Variants in CNTN1 observed in about 807,000 individuals in gnomAD.
CNTN1 encodes contactin 1.
A neutral mutation model predicts 126.4 loss-of-function variants in CNTN1; 38 were observed. The ratio of observed to expected loss-of-function variants is 0.30; its 90% CI spans 0.23 to 0.39. The LOEUF is 0.39. Among genes scored for constraint, CNTN1 ranks in the 10% least tolerant of loss-of-function variants. CNTN1 has a pLI of 1.00. For missense variants in CNTN1, 1,009 were observed against 1,248.4 expected (o/e 0.81, Z 2.89); for synonymous variants, 413 against 422.6 (o/e 0.98, Z 0.28).
chr12:40,738,341 T>G (rs956679692), intron 1 of CNTN1, among the ~76,000 whole-genome samples: 2 of 152,088 alleles, frequency 1.3e-5, no homozygotes, highest in Non-Finnish European at 2.9e-5. Context: ...GGGGCAGAAA[T>G]TTTTACTTCA....
intron 21 of CNTN1, among the ~76,000 whole-genome samples, chr12:41,026,904 C>T (rs1410400744): frequency 6.6e-6 from 1 of 152,024 alleles, no homozygotes; most frequent in East Asian, 1.9e-4. Context: ...TAGTGGCTAG[C>T]ACTAAGTGAA....
chr12:40,731,407 G>C (rs1942498226), intron 1 of CNTN1, among the ~76,000 whole-genome samples: 1 of 151,812 alleles, frequency 6.6e-6, no homozygotes, highest in African/African-American at 2.4e-5. Flanking sequence ...TAAAACCATG[G>C]GGAAAATGGA....
intron 1 of CNTN1, among the ~76,000 whole-genome samples, chr12:40,734,082 C>T (rs928219746): frequency 2.2e-4 from 33 of 152,076 alleles, no homozygotes; most frequent in African/African-American, 7.7e-4. Context: ...GAATCAAAGT[C>T]AGTGTGCCCC....
chr12:40,767,144 G>T (rs6581946), intron 1 of CNTN1, among the ~76,000 whole-genome samples: 145,369 of 152,048 alleles, frequency 0.96, 69,809 homozygotes, highest in East Asian at 1. Context: ...ATATGATCAA[G>T]GAGAGTATTT....
chr12:40,987,565 A>G (rs1307081314), intron 16 of CNTN1, among the ~76,000 whole-genome samples: 1 of 152,238 alleles, frequency 6.6e-6, no homozygotes, highest in African/African-American at 2.4e-5. Flanking sequence ...CATAGTAACC[A>G]TGCTATGAGA....
chr12:40,985,076 T>C (rs1485403082), intron 16 of CNTN1, among the ~76,000 whole-genome samples: 1 of 152,100 alleles, frequency 6.6e-6, no homozygotes, highest in Admixed American at 6.6e-5. Context: ...AAGATAAGTC[T>C]TTTACTAACA....
chr12:41,070,732 A>G lies in CNTN1; in HGVS notation c.*697A>G, dbSNP rs1399914156. On this transcript the variant is annotated 3_prime_UTR_variant, in exon 24 of 24. Transcript: ENST00000551295. ...TCAGTTTTTTAATAGTAAAGTTAAC[A>G]TACCATATAGATTTTTTTTTACTTT... The G allele has an allele frequency of 6.7e-6, 1 of 149,394 alleles. No individual in the cohort carries two copies. The highest frequency in any genetic ancestry group is 2.5e-5 in the African/African-American group (1 of 39,300). The allele number at this position is 149,394 out of a possible 1,614,324, so 9.3% of individuals were successfully genotyped here.
At chr12:40,856,312 G>A (rs544991272) in intron 1 of CNTN1, among the ~76,000 whole-genome samples, 9 of 152,182 alleles carry the variant, frequency 5.9e-5, no homozygotes, top group Middle Eastern at 3.4e-3. Context: ...GAAAGAAAGA[G>A]AAATATAAGG....
chr12:41,000,143 A>C (rs1948321104), intron 17 of CNTN1, among the ~76,000 whole-genome samples: 1 of 152,198 alleles, frequency 6.6e-6, no homozygotes, highest in South Asian at 2.1e-4. Flanking sequence ...ATTCAATCTA[A>C]TTTAAACATA....
intron 20 of CNTN1, among the ~76,000 whole-genome samples, chr12:41,023,036 G>T (rs1272200384): frequency 6.6e-6 from 1 of 151,942 alleles, no homozygotes; most frequent in Non-Finnish European, 1.5e-5. Context: ...GGGGGAGGGG[G>T]GTCTTGACTG....
At chr12:40,722,714 T>C (rs553686849) in intron 1 of CNTN1, among the ~76,000 whole-genome samples, 1 of 152,154 alleles carries the variant, frequency 6.6e-6, no homozygotes, top group Admixed American at 6.5e-5. Flanking sequence ...GTAGAATAAG[T>C]CTAGTAATGT....
rs749528148 is a variant in CNTN1, at chr12:41,070,182, C to CATG, written c.*152_*154dup. 4 of 730,532 alleles carry CATG rather than the reference C, an allele frequency of 5.5e-6. No homozygotes were observed. The highest frequency in any genetic ancestry group is 9.7e-6 in the Non-Finnish European group (4 of 413,684). The allele number at this position is 730,532 out of a possible 1,614,324, so 45.3% of individuals were successfully genotyped here. On this transcript the variant is annotated 3_prime_UTR_variant, in exon 24 of 24. Coordinates refer to ENST00000551295, the MANE Select transcript of CNTN1 (RefSeq NM_001843.4). ...AACTATTCAACTGATTTACAACACA[C>CATG]ATGATGACTGAGGCATTCGGGAACC...
chr12:40,936,369 G>T (rs1946081551), intron 9 of CNTN1, among the ~76,000 whole-genome samples: 1 of 152,028 alleles, frequency 6.6e-6, no homozygotes, highest in Admixed American at 6.6e-5. Flanking sequence ...ATACCTGAGG[G>T]AGTGGGAAAA....
At chr12:40,920,062 A>G (rs12297682) in intron 4 of CNTN1, among the ~76,000 whole-genome samples, 16,149 of 152,144 alleles carry the variant, frequency 0.11, 924 homozygotes, top group Non-Finnish European at 0.12. Flanking sequence ...ACTGAAACAC[A>G]GTTTTTATGA....
intron 1 of CNTN1, among the ~76,000 whole-genome samples, chr12:40,887,077 T>A (rs1944063199): frequency 6.6e-6 from 1 of 152,112 alleles, no homozygotes; most frequent in South Asian, 2.1e-4. Flanking sequence ...ATATGAACTT[T>A]AAAGTAGTTT....
chr12:40,785,418 CT>C (rs1353113813), intron 1 of CNTN1, among the ~76,000 whole-genome samples: 1 of 152,068 alleles, frequency 6.6e-6, no homozygotes, highest in Non-Finnish European at 1.5e-5. Flanking sequence ...TCTCACCTGT[CT>C]GTGTGAAGAG....
At chr12:40,699,012 T>C (rs1462533448) in intron 1 of CNTN1, among the ~76,000 whole-genome samples, 1 of 152,200 alleles carries the variant, frequency 6.6e-6, no homozygotes, top group Non-Finnish European at 1.5e-5. Flanking sequence ...AACCTTTTCA[T>C]GCCTTGGGTC....
intron 1 of CNTN1, among the ~76,000 whole-genome samples, chr12:40,762,603 C>T (rs1039210471): frequency 1.3e-5 from 2 of 151,974 alleles, no homozygotes; most frequent in Non-Finnish European, 2.9e-5. Flanking sequence ...TGAGGATAAA[C>T]GTTCTACTGC....
intron 3 of CNTN1, among the ~76,000 whole-genome samples, chr12:40,915,305 CAA>C (rs1351906282): frequency 6.6e-6 from 1 of 151,996 alleles, no homozygotes; most frequent in Non-Finnish European, 1.5e-5. Flanking sequence ...CACCTTACTT[CAA>C]AGAGATAAAA....
Sources: allele counts gnomAD v4.1 joint callset (sites outside exome capture counted in the v4.1 genomes callset), GRCh38; gene constraint gnomAD v4.1.1; transcripts MANE v1.5; gene names NCBI Gene and HGNC (gene_info 2026-07-23, HGNC 2026-07-21).